The following CACNA1S variants were observed in gnomAD, a reference collection of about 807,000 sequenced individuals.
CACNA1S encodes voltage-dependent L-type calcium channel subunit alpha-1S.
A neutral mutation model predicts 207.4 loss-of-function variants in CACNA1S; 126 were observed. The ratio of observed to expected loss-of-function variants is 0.61; its 90% confidence interval spans 0.53 to 0.70. The LOEUF is 0.70. CACNA1S is among the 30% of genes least tolerant of loss of function. CACNA1S has a pLI of 0.00. For missense variants in CACNA1S, 2,349 were observed against 2,422.8 expected, an observed-to-expected ratio of 0.97 and a Z score of 0.64; for synonymous variants, 960 against 932.7, an observed-to-expected ratio of 1.03 and a Z score of -0.53.
At chr1:201,091,244 C>G (rs1355123453) in intron 5 of CACNA1S, among the ~76,000 whole-genome samples, 1 of 152,170 alleles carries the variant, frequency 6.6e-6, no homozygotes, top group Non-Finnish European at 1.5e-5. Flanking sequence ...CATTCAGACC[C>G]TATTCTGGGT....
rs1662254411 is a variant in CACNA1S, at chr1:201,092,052, C to T, written c.461G>A (p.Ser154Asn). The T allele has an allele frequency of 6.2e-7, 1 of 1,614,124 alleles. No homozygotes were observed. Among genetic ancestry groups the T allele is most frequent in the Non-Finnish European group, 8.5e-7 (1 of 1,180,014 alleles). Residue 154 changes from serine (S) to asparagine (N), a missense_variant, in exon 4 of 44, where the codon AGC becomes AAC. Ser to Asn is a conservative substitution (Grantham distance 46, BLOSUM62 1). Transcript: ENST00000362061. The part of the protein sequence containing the change: ...VIQSHTAPMS[S>N]KGAGLDVKAL... Reference sequence around the variant, plus strand: ...CTTGACATCCAAGCCGGCTCCTTTGCTGCTCATTGGGGCTGTGTGGCTTTG... The same window carrying T: ...CTTGACATCCAAGCCGGCTCCTTTGTTGCTCATTGGGGCTGTGTGGCTTTG...
In CACNA1S at chr1:201,075,510, AAAGGATGATG is replaced by A. The variant is rs1661579125; in HGVS notation, c.1923_1932del (p.Ile642SerfsTer26). 1 of 1,613,786 alleles carries A rather than the reference AAAGGATGATG, an allele frequency of 6.2e-7. No homozygotes were observed. Among genetic ancestry groups the A allele is most frequent in the African/African-American group, 1.3e-5 (1 of 74,780 alleles). ...GAGAGGATACAGTTGCCACAGACGA[AAAGGATGATG>A]AAGTAAATGCACACAAGCATGCCAG... On this transcript the variant is annotated frameshift_variant, in exon 13 of 44. Transcript: ENST00000362061. LOFTEE classifies it high-confidence loss of function.
At chr1:201,108,710 A>C (rs1024208324) in intron 2 of CACNA1S, among the ~76,000 whole-genome samples, 21 of 152,160 alleles carry the variant, frequency 1.4e-4, no homozygotes, top group Admixed American at 1.1e-3. Flanking sequence ...GCTTCCCATC[A>C]GCTCAAGATA....
In CACNA1S at chr1:201,066,963, C is replaced by T. The variant is rs754480390; in HGVS notation, c.2581G>A (p.Gly861Ser). 2 of 1,614,168 alleles carry T rather than the reference C, an allele frequency of 1.2e-6. No individual in the cohort carries two copies. The highest frequency in any genetic ancestry group is 1.1e-5 in the South Asian group (1 of 91,078). The change falls in exon 20 of 44, where the codon GGT (glycine) becomes AGT (serine). Residue 861 changes from glycine (G) to serine (S), a missense_variant. Physicochemically the swap from Gly to Ser is moderately conservative, Grantham distance 56. Coordinates refer to ENST00000362061, the MANE Select transcript of CACNA1S (RefSeq NM_000069.3). This position sits in a 1 kb window ranked among gnomAD's most constrained non-coding sequence, Gnocchi z 4.3. Reference protein sequence around the residue: ...MTTYGAFLHKGSFCRNYFNML... With the variant: ...MTTYGAFLHKSSFCRNYFNML... ...TTGAAGTAATTGCGGCAGAAGGAAC[C>T]CTTGTGCAGGAAGGCTCCGTAGGTC...
intron 24 of CACNA1S, 134 bp downstream of exon 24, chr1:201,061,810 T>C (rs1661059700): frequency 9.8e-7 from 1 of 1,021,190 alleles, no homozygotes; most frequent in East Asian, 2.4e-5. Flanking sequence ...CATCAAACCA[T>C]CAGAGAGTTG....
intron 10 of CACNA1S, among the ~76,000 whole-genome samples, chr1:201,082,827 A>C (rs1055547627): frequency 6.6e-5 from 10 of 152,212 alleles, no homozygotes; most frequent in Non-Finnish European, 1.0e-4. Context: ...AATTACTAGC[A>C]ATTTTATGTC....
intron 22 of CACNA1S, among the ~76,000 whole-genome samples, chr1:201,064,199 T>A (rs1409721638): frequency 6.6e-6 from 1 of 152,110 alleles, no homozygotes; most frequent in Non-Finnish European, 1.5e-5. Context: ...GGCAAAGGGA[T>A]GAGGCAGACA....
Position 201,053,218 on chromosome 1 carries a change from G to A in CACNA1S, c.3852C>T (p.Ile1284=), listed in dbSNP as rs1024486307. 6.8e-6 allele frequency: 11 copies of A among 1,614,092 alleles called. No individual in the cohort carries two copies. The highest frequency in any genetic ancestry group is 3.3e-5 in the Admixed American group (2 of 60,016). Residue 1284 remains isoleucine (I), a synonymous_variant, in exon 31 of 44, where the codon ATC becomes ATT. Coordinates refer to ENST00000362061, the MANE Select transcript of CACNA1S (RefSeq NM_000069.3). This position sits in a 1 kb window ranked among gnomAD's most constrained non-coding sequence, Gnocchi z 5.1. The part of the protein sequence containing the change: ...IVMLFFIYAV[I]GMQMFGKIAL... ...CCCGCCTGCCTCTCACCTGCATGCC[G>A]ATGACAGCGTAGATGAAGAAGAGCA...
At chr1:201,040,108 G>A in intron 43 of CACNA1S, 26 bp from the exon 44 acceptor site, 1 of 1,613,492 alleles carries the variant, frequency 6.2e-7, no homozygotes, top group South Asian at 1.1e-5. Context: ...TAGGCTGAGT[G>A]GGGTCTTCCT....
In CACNA1S at chr1:201,089,477, G is replaced by A. The variant is rs1262968798; in HGVS notation, c.695-14C>T. On this transcript the variant is annotated splice_polypyrimidine_tract_variant and intron_variant, in intron 5 of 43. Transcript: ENST00000362061. ...TGGCCACGATATCTGGAGGCAGAAG[G>A]CAAAGGGAACATCAGACAACAGTAG... The A allele has an allele frequency of 6.2e-7, 1 of 1,612,888 alleles. No homozygotes were observed. The highest frequency in any genetic ancestry group is 8.5e-7 in the Non-Finnish European group (1 of 1,179,602).
intron 2 of CACNA1S, among the ~76,000 whole-genome samples, chr1:201,105,011 A>G (rs1172196127): frequency 6.6e-6 from 1 of 152,268 alleles, no homozygotes; most frequent in Non-Finnish European, 1.5e-5. Flanking sequence ...GTGACTGACA[A>G]TATGCAAGTA....
rs1661474011 is a variant in CACNA1S, at chr1:201,072,892, A to G, written c.2158-68T>C. The G allele has an allele frequency of 5.2e-6, 6 of 1,161,458 alleles. No homozygotes were observed. In the South Asian group the frequency reaches 6.1e-5, roughly 12 times the overall value. The allele number at this position is 1,161,458 out of a possible 1,614,324, so 71.9% of individuals were successfully genotyped here. ...TGCGGTTTCCCCTCAATGAGCATAT[A>G]CTGGAGAGCCTGTTAGCGTTCAGCT... On this transcript the variant is annotated intron_variant, in intron 15 of 43. Transcript: ENST00000362061.
chr1:201,043,731 C>G (rs559576142), intron 39 of CACNA1S, among the ~76,000 whole-genome samples, 200 bp from the exon 40 acceptor site: 103 of 152,186 alleles, frequency 6.8e-4, no homozygotes, highest in African/African-American at 2.3e-3. Context: ...ATGGGGTAGA[C>G]AGCACACACC....
chr1:201,089,306 G>A lies in CACNA1S; in HGVS notation c.852C>T (p.Thr284=), dbSNP rs372633174. Residue 284 remains threonine (T), a synonymous_variant, in exon 6 of 44, where the codon ACC becomes ACT. Transcript: ENST00000362061. ...HFDNFGFSML[T]VYQCITMEGW... ...CCTCCATGGTAATGCACTGGTACACGGTGAGCATGGAGAAGCCGAAGTTGT... is the reference window on the plus strand; with the variant it reads ...CCTCCATGGTAATGCACTGGTACACAGTGAGCATGGAGAAGCCGAAGTTGT... The A allele has an allele frequency of 7.3e-5, 118 of 1,614,260 alleles. No individual in the cohort carries two copies. The highest frequency in any genetic ancestry group is 9.2e-5 in the Non-Finnish European group (109 of 1,180,056).
In CACNA1S at chr1:201,047,530, A is replaced by G. The variant is rs1382662012; in HGVS notation, c.4538T>C (p.Ile1513Thr). The G allele has an allele frequency of 2.5e-6, 4 of 1,613,072 alleles. No homozygotes were observed. The highest frequency in any genetic ancestry group is 1.7e-4 in the Middle Eastern group (1 of 6,060). Residue 1513 changes from isoleucine to threonine, a missense_variant, in exon 37 of 44, where the codon ATA becomes ACA. Physicochemically the swap from Ile to Thr is moderately conservative, Grantham distance 89. Transcript: ENST00000362061. ...MKLLDQVIPPIGDDEVTVGKF... is the reference protein window; with the variant it reads ...MKLLDQVIPPTGDDEVTVGKF... Reference sequence around the variant, plus strand: ...TCCCCCAAAGTAGCACCTACCTCCTATTGGAGGGATGACCTGGTCCAAGAG... The same window carrying G: ...TCCCCCAAAGTAGCACCTACCTCCTGTTGGAGGGATGACCTGGTCCAAGAG...
At chr1:201,074,718 C>A in intron 13 of CACNA1S, 98 bp from the exon 14 acceptor site, 1 of 45,262 alleles carries the variant, frequency 2.2e-5, no homozygotes, top group Non-Finnish European at 4.5e-5. Context: ...CCTAACCCCA[C>A]TCTCCCAGAG....
intron 28 of CACNA1S, among the ~76,000 whole-genome samples, chr1:201,056,130 G>A (rs1020972274): frequency 6.8e-6 from 1 of 146,724 alleles, no homozygotes; most frequent in Non-Finnish European, 1.5e-5. Flanking sequence ...AGCCCACCCT[G>A]CCCCTCGCTA....
In CACNA1S at chr1:201,074,538, C is replaced by G; in HGVS notation, c.2031G>C (p.Lys677Asn). Residue 677 changes from lysine to asparagine, a missense_variant, in exon 14 of 44, where the codon AAG becomes AAC. Lys to Asn is a moderately conservative substitution (Grantham distance 94, BLOSUM62 0). Coordinates refer to ENST00000362061, the MANE Select transcript of CACNA1S (RefSeq NM_000069.3). ...TCTTCCTGCGTTTTTTCTCCTCAGC[C>G]TTGGCCTTCTGGGCAGAAGTCAGGC... ...AESLTSAQKA[K>N]AEEKKRRKMS... The G allele has an allele frequency of 6.2e-7, 1 of 1,613,900 alleles. No individual in the cohort carries two copies.
chr1:201,096,360 T>A (rs978563631), intron 2 of CACNA1S, among the ~76,000 whole-genome samples: 9 of 152,212 alleles, frequency 5.9e-5, no homozygotes, highest in Non-Finnish European at 1.2e-4. Flanking sequence ...CCCTCTTGCA[T>A]CATAGGAACA....
Sources: allele counts gnomAD v4.1 joint callset (sites outside exome capture counted in the v4.1 genomes callset), GRCh38; gene constraint gnomAD v4.1.1; non-coding constraint Gnocchi (gnomAD v3.1); transcripts MANE v1.5; gene names NCBI Gene and HGNC (gene_info 2026-07-23, HGNC 2026-07-21).